Variants in ATP10D observed in about 807,000 individuals in gnomAD.
The protein encoded by ATP10D is ATPase phospholipid transporting 10D (putative), also known as phospholipid-transporting ATPase VD.
Under a neutral mutation model 144.8 loss-of-function variants are expected in ATP10D, and 89 were observed. The ratio of observed to expected loss-of-function variants is 0.61; its 90% CI spans 0.52 to 0.73. The LOEUF is 0.73. ATP10D is among the 30% of genes least tolerant of loss of function. The pLI, the probability that ATP10D is intolerant of heterozygous loss-of-function variation, is 0.00. For synonymous variants in ATP10D, 571 were observed against 615.1 expected, an observed-to-expected ratio of 0.93 and a Z score of 1.06; for missense variants, 1,603 against 1,714.8, an observed-to-expected ratio of 0.93 and a Z score of 1.15.
chr4:47,572,784 AG>A, intron 17 of ATP10D, 87 bp from the exon 18 acceptor site: 1 of 1,526,294 alleles, frequency 6.6e-7, no homozygotes, highest in Non-Finnish European at 9.0e-7. Flanking sequence ...GTAGAATATG[AG>A]GCCTAGGGTT....
chr4:47,538,139 A>C (rs1446399992), intron 9 of ATP10D, among the ~76,000 whole-genome samples: 1 of 152,166 alleles, frequency 6.6e-6, no homozygotes, highest in Non-Finnish European at 1.5e-5. Context: ...ACAAGTTAGC[A>C]CTTCATTGTC....
chr4:47,499,632 A>G (rs942324047), intron 1 of ATP10D, among the ~76,000 whole-genome samples: 5 of 152,182 alleles, frequency 3.3e-5, no homozygotes, highest in Non-Finnish European at 5.9e-5. Context: ...TGCTCAGAGC[A>G]TTGGTGCTGA....
intron 10 of ATP10D, 22 bp downstream of exon 10, chr4:47,546,884 G>C (rs760832807): frequency 6.4e-7 from 1 of 1,571,570 alleles, no homozygotes; most frequent in Non-Finnish European, 8.7e-7. Flanking sequence ...TGCATGACTA[G>C]AGTCTTGCAC....
chr4:47,587,120 C>T lies in ATP10D; in HGVS notation c.3855C>T (p.Asn1285=). The T allele has an allele frequency of 6.2e-7, 1 of 1,614,070 alleles. No homozygotes were observed. Among genetic ancestry groups the T allele is most frequent in the Non-Finnish European group, 8.5e-7 (1 of 1,179,946 alleles). Reference sequence around the variant, plus strand: ...GTGTAACTTGCAACCCACCATCCAACCCTTACTGGATTATGCAGGAGCACA... The same window carrying T: ...GTGTAACTTGCAACCCACCATCCAATCCTTACTGGATTATGCAGGAGCACA... The part of the protein sequence containing the change: ...AMCVTCNPPS[N]PYWIMQEHML... Residue 1285 remains asparagine, a synonymous_variant, in exon 22 of 23, where the codon AAC becomes AAT. Transcript: ENST00000273859.
chr4:47,539,927 A>G (rs752776210), intron 9 of ATP10D, among the ~76,000 whole-genome samples: 3 of 152,206 alleles, frequency 2.0e-5, no homozygotes, highest in Non-Finnish European at 4.4e-5. Flanking sequence ...CACACAGAAA[A>G]GATACCAAGT....
chr4:47,532,670 T>G (rs576366275), intron 5 of ATP10D, among the ~76,000 whole-genome samples: 167 of 152,348 alleles, frequency 1.1e-3, no homozygotes, highest in African/African-American at 3.8e-3. Context: ...CAAATTGAGA[T>G]GCTTAAGCTA....
At chr4:47,584,478 C>T (rs1316062931) in intron 21 of ATP10D, among the ~76,000 whole-genome samples, 4 of 152,070 alleles carry the variant, frequency 2.6e-5, no homozygotes, top group East Asian at 3.9e-4. Flanking sequence ...CTGCAAGCTC[C>T]GCCTCCCAGG....
intron 7 of ATP10D, 47 bp from the exon 8 acceptor site, chr4:47,536,390 A>T (rs752047082): frequency 1.3e-6 from 2 of 1,595,142 alleles, no homozygotes; most frequent in Admixed American, 1.8e-5. Context: ...TTTTGTTTGC[A>T]TGCCATATAT....
chr4:47,561,062 A>C lies in ATP10D; in HGVS notation c.2655A>C (p.Lys885Asn), dbSNP rs992613742. 6 of 1,614,166 alleles carry C rather than the reference A, an allele frequency of 3.7e-6. No individual in the cohort carries two copies. The highest frequency in any genetic ancestry group is 5.1e-6 in the Non-Finnish European group (6 of 1,180,002). Reference sequence around the variant, plus strand: ...AATCTGCCATGAGGTTGGAGAACAAACTTACATTACTTGGTAGGTGAATTA... The same window carrying C: ...AATCTGCCATGAGGTTGGAGAACAACCTTACATTACTTGGTAGGTGAATTA... ...LLESAMRLENKLTLLGATGIE... is the reference protein window; with the variant it reads ...LLESAMRLENNLTLLGATGIE... Residue 885 changes from lysine to asparagine, a missense_variant, in exon 14 of 23, where the codon AAA becomes AAC. Lys to Asn is a moderately conservative substitution (Grantham distance 94, BLOSUM62 0). Transcript: ENST00000273859.
chr4:47,569,600 A>G (rs1450394280), intron 16 of ATP10D, among the ~76,000 whole-genome samples: 2 of 152,198 alleles, frequency 1.3e-5, no homozygotes. Flanking sequence ...AAATTGGCAA[A>G]CTACCTTTTT....
At chr4:47,485,686 TAA>T (rs562551526) in intron 1 of ATP10D, among the ~76,000 whole-genome samples, 167 bp downstream of exon 1, 1 of 142,724 alleles carries the variant, frequency 7.0e-6, no homozygotes, top group African/African-American at 2.5e-5. Context: ...GTTACTGAAC[TAA>T]AAAAAAAAAA....
At chr4:47,495,798 T>G (rs1318656308) in intron 1 of ATP10D, among the ~76,000 whole-genome samples, 2 of 150,888 alleles carry the variant, frequency 1.3e-5, no homozygotes, top group Non-Finnish European at 3.0e-5. Context: ...AGTGCAATGG[T>G]GCAATCTCGG....
intron 1 of ATP10D, among the ~76,000 whole-genome samples, chr4:47,499,055 G>A (rs1292935876): frequency 6.6e-6 from 1 of 152,150 alleles, no homozygotes; most frequent in African/African-American, 2.4e-5. Flanking sequence ...AAACTTAACT[G>A]TTTATCTCTC....
intron 14 of ATP10D, 31 bp from the exon 15 acceptor site, chr4:47,563,550 C>A (rs1235149707): frequency 1.9e-6 from 3 of 1,568,986 alleles, no homozygotes; most frequent in Non-Finnish European, 1.7e-6. Flanking sequence ...TGGTTTCTTA[C>A]AAGTCCTATT....
chr4:47,485,323 A>G lies in ATP10D; in HGVS notation c.-234A>G, dbSNP rs1422579750. The G allele has an allele frequency of 6.6e-6, 1 of 151,160 alleles. No homozygotes were observed. Among genetic ancestry groups the G allele is most frequent in the African/African-American group, 2.4e-5 (1 of 41,098 alleles). The allele number at this position is 151,160 out of a possible 1,614,324, so 9.4% of individuals were successfully genotyped here. A position where few individuals can be genotyped will look rare whatever the true frequency, so the allele number is the denominator to read the frequency against. On this transcript the variant is annotated 5_prime_UTR_variant, in exon 1 of 23. Transcript: ENST00000273859. ...GGAGCGGAGGGAGAAGTAGGTTGCG[A>G]GCTCAGCACAGGCTCCGGCGCTGGC...
chr4:47,586,608 CG>C (rs1720802564), intron 21 of ATP10D, among the ~76,000 whole-genome samples: 2 of 152,082 alleles, frequency 1.3e-5, no homozygotes, highest in South Asian at 4.1e-4. Context: ...TGACAGTATT[CG>C]TGATCAACAG....
At chr4:47,584,980 A>G (rs1261883792) in intron 21 of ATP10D, among the ~76,000 whole-genome samples, 1 of 152,212 alleles carries the variant, frequency 6.6e-6, no homozygotes, top group Non-Finnish European at 1.5e-5. Context: ...AAAAGAGATT[A>G]ATAAAAGCAG....
intron 1 of ATP10D, among the ~76,000 whole-genome samples, chr4:47,508,873 G>C (rs1046668207): frequency 6.6e-6 from 1 of 152,166 alleles, no homozygotes; most frequent in Non-Finnish European, 1.5e-5. Flanking sequence ...TAGGACTAAT[G>C]GTTTGTGACC....
At chr4:47,488,232 C>T (rs1339409741) in intron 1 of ATP10D, among the ~76,000 whole-genome samples, 1 of 151,960 alleles carries the variant, frequency 6.6e-6, no homozygotes, top group Non-Finnish European at 1.5e-5. Context: ...TGGAAATATA[C>T]TTGCAATGTA....
Sources: gnomAD v4.1 joint callset for allele counts (sites outside exome capture counted in the v4.1 genomes callset) on GRCh38, gnomAD v4.1.1 for gene constraint, MANE v1.5 for transcripts, NCBI Gene and HGNC (gene_info 2026-07-23, HGNC 2026-07-21) for gene names.